The following ICAM1 variants were observed in gnomAD, a reference collection of about 807,000 sequenced individuals.
ICAM1 encodes ICAM-1.
Under a neutral mutation model 42.3 loss-of-function variants are expected in ICAM1, and 28 were observed. That is an observed-to-expected ratio of 0.66 (90% CI 0.49 to 0.91). The LOEUF (loss-of-function observed/expected upper bound fraction) is 0.91, where lower values mean the gene tolerates loss of function less well. Ranked by LOEUF, ICAM1 falls within the 40% of genes least tolerant of loss-of-function variation. The pLI is 0.00. For synonymous variants in ICAM1, 304 were observed against 305.9 expected (o/e 0.99, Z 0.07); for missense variants, 637 against 688.6 (o/e 0.93, Z 0.84).
intron 3 of ICAM1, 56 bp downstream of exon 3, chr19:10,283,842 G>A (rs556578863): frequency 2.0e-5 from 30 of 1,511,820 alleles, no homozygotes; most frequent in Middle Eastern, 1.8e-4. Context: ...CCTGCAATGC[G>A]GTGCCTGTGG....
Position 10,284,612 on chromosome 19 carries a change from G to T in ICAM1, c.1135G>T (p.Gly379Cys). Residue 379 changes from glycine to cysteine, a missense_variant, in exon 5 of 7, where the codon GGC (glycine) becomes TGC (cysteine). By Grantham distance (159) the Gly-to-Cys change is radical (BLOSUM62 -3). Coordinates refer to ENST00000264832, the MANE Select transcript of ICAM1 (RefSeq NM_000201.3). This position sits in a 1 kb window ranked among gnomAD's most constrained non-coding sequence, Gnocchi z 5.4. The part of the protein sequence containing the change: ...FSCSATLEVA[G>C]QLIHKNQTRE... Reference sequence around the variant, plus strand: ...CTGCTCTGCAACCCTGGAGGTGGCCGGCCAGCTTATACACAAGAACCAGAC... The same window carrying T: ...CTGCTCTGCAACCCTGGAGGTGGCCTGCCAGCTTATACACAAGAACCAGAC... The T allele has an allele frequency of 6.2e-7, 1 of 1,614,100 alleles. No individual in the cohort carries two copies.
intron 2 of ICAM1, chr19:10,283,254 C>G (rs1206476931): frequency 2.1e-6 from 1 of 470,996 alleles, no homozygotes; most frequent in African/African-American, 2.0e-5. Context: ...ACTTTTCACT[C>G]TAAGATGCTG....
intron 2 of ICAM1, among the ~76,000 whole-genome samples, chr19:10,275,495 C>G (rs2040009699): frequency 6.6e-6 from 1 of 150,870 alleles, no homozygotes; most frequent in African/African-American, 2.4e-5. Flanking sequence ...GATTCCATCT[C>G]AAGAAAAAAA....
At chr19:10,283,839 T>C in intron 3 of ICAM1, 53 bp downstream of exon 3, 3 of 1,517,048 alleles carry the variant, frequency 2.0e-6, no homozygotes, top group South Asian at 2.5e-5. Context: ...TATCCTGCAA[T>C]GCGGTGCCTG....
At chr19:10,281,352 T>C (rs2040057458) in intron 2 of ICAM1, among the ~76,000 whole-genome samples, 1 of 151,098 alleles carries the variant, frequency 6.6e-6, no homozygotes, top group African/African-American at 2.4e-5. Flanking sequence ...CTTGAACTCC[T>C]GGCCTCAAAT....
At position 10,284,977 on chromosome 19, in the gene ICAM1, G is replaced by A. The variant is rs1335162508; in HGVS notation, c.1375G>A (p.Ala459Thr). The A allele has an allele frequency of 1.2e-6, 2 of 1,612,688 alleles. No homozygotes were observed. The highest frequency in any genetic ancestry group is 1.7e-6 in the Non-Finnish European group (2 of 1,179,184). ...RDLEGTYLCR[A>T]RSTQGEVTRK... Reference sequence around the variant, plus strand: ...TCTTGAGGGCACCTACCTCTGTCGGGCCAGGAGCACTCAAGGGGAGGTCAC... The same window carrying A: ...TCTTGAGGGCACCTACCTCTGTCGGACCAGGAGCACTCAAGGGGAGGTCAC... The change falls in exon 6 of 7, where the codon GCC becomes ACC. Residue 459 changes from alanine to threonine, a missense_variant. Transcript: ENST00000264832. This position sits in a 1 kb window ranked among gnomAD's most constrained non-coding sequence, Gnocchi z 5.4.
rs556578863 is a variant in ICAM1 at position 10,283,842 on chromosome 19, G to T, written c.637+56G>T. On this transcript the variant is annotated intron_variant, in intron 3 of 6. Transcript: ENST00000264832. The stretch of plus-strand genomic sequence containing the variant: ...GTGGGGGTGGGGTATCCTGCAATGC[G>T]GTGCCTGTGGCCACAGGATCTTTTG... The T allele has an allele frequency of 1.6e-5, 24 of 1,511,942 alleles. No homozygotes were observed. The South Asian group carries it at 2.4e-4, about 15-fold the overall frequency. The allele number at this position is 1,511,942 out of a possible 1,614,324, so 93.7% of individuals were successfully genotyped here. A position where few individuals can be genotyped will look rare whatever the true frequency, so the allele number is the denominator to read the frequency against.
intron 1 of ICAM1, among the ~76,000 whole-genome samples, chr19:10,273,829 C>T (rs533236077): frequency 5.9e-5 from 9 of 152,118 alleles, no homozygotes; most frequent in South Asian, 2.1e-4. Context: ...GGCTGGCCGA[C>T]GTGGCGAAAC....
At chr19:10,278,548 C>CTTTTG (rs2040032418) in intron 2 of ICAM1, among the ~76,000 whole-genome samples, 1 of 41,746 alleles carries the variant, frequency 2.4e-5, no homozygotes, top group African/African-American at 1.0e-4. Flanking sequence ...CCTGATAGGT[C>CTTTTG]TTTTTTTTTT....
In ICAM1 at chr19:10,271,158, C is replaced by CT. The variant is rs1300793263; in HGVS notation, c.-1dup. The CT allele has an allele frequency of 1.9e-6, 3 of 1,612,552 alleles. No homozygotes were observed. In the African/African-American group the frequency reaches 4.0e-5, roughly 22 times the overall value. Reference sequence around the variant, plus strand: ...ACTCAGAGTTGCAACCTCAGCCTCGCTATGGCTCCCAGCAGCCCCCGGCCC... The same window carrying CT: ...ACTCAGAGTTGCAACCTCAGCCTCGCTTATGGCTCCCAGCAGCCCCCGGCCC... On this transcript the variant is annotated 5_prime_UTR_variant, in exon 1 of 7. Coordinates refer to ENST00000264832, the MANE Select transcript of ICAM1 (RefSeq NM_000201.3).
chr19:10,283,431 A>T (rs1169817915), intron 2 of ICAM1, 50 bp from the exon 3 acceptor site: 1 of 1,502,560 alleles, frequency 6.7e-7, no homozygotes, highest in Non-Finnish European at 8.9e-7. Flanking sequence ...TCTGTTAGGC[A>T]GGCAGCAAGG....
intron 2 of ICAM1, among the ~76,000 whole-genome samples, chr19:10,281,174 G>A (rs2040055309): frequency 6.6e-6 from 1 of 151,280 alleles, no homozygotes; most frequent in South Asian, 2.1e-4. Flanking sequence ...TGTCTGGCCT[G>A]GCCAGGCTGG....
rs765279047 is a variant in ICAM1 at position 10,282,842 on chromosome 19, G to A, written c.332-639G>A. On this transcript the variant is annotated intron_variant, in intron 2 of 6. Transcript: ENST00000264832. The stretch of plus-strand genomic sequence containing the variant: ...AGCCTGGGCAACATGCTGAAACCCC[G>A]TTTCTACTAAAAATACAAAAATTAG... 1.3e-5 allele frequency among the ~76,000 whole-genome samples: 2 copies of A among 151,952 alleles called. 1 individual carries two copies. Among genetic ancestry groups the A allele is most frequent in the Non-Finnish European group, 2.9e-5 (2 of 68,002 alleles).
Position 10,283,918 on chromosome 19 carries a change from C to T in ICAM1, c.638-115C>T, listed in dbSNP as rs2040081865. The T allele has an allele frequency of 4.8e-6, 7 of 1,452,040 alleles. No individual in the cohort carries two copies. The South Asian group carries it at 9.0e-5, about 19-fold the overall frequency. 89.9% of individuals were successfully genotyped at this position (1,452,040 alleles called of 1,614,324 possible). On this transcript the variant is annotated intron_variant, in intron 3 of 6. Coordinates refer to ENST00000264832, the MANE Select transcript of ICAM1 (RefSeq NM_000201.3). ...GTGCATGTGTTCTAGGCGTATGTGA[C>T]CTAGGCTGCTGAGTGGCCCTGGAAG...
intron 1 of ICAM1, 104 bp downstream of exon 1, chr19:10,271,330 A>G (rs2039978773): frequency 8.2e-6 from 8 of 975,196 alleles, no homozygotes; most frequent in Non-Finnish European, 1.2e-5. Flanking sequence ...TATGGGAAGG[A>G]GGGGCTAGAG....
intron 1 of ICAM1, among the ~76,000 whole-genome samples, chr19:10,272,833 C>T (rs1017976018): frequency 6.6e-6 from 1 of 152,074 alleles, no homozygotes; most frequent in African/African-American, 2.4e-5. Flanking sequence ...CAGTGCCCAC[C>T]CCGTAAGCCC....
intron 2 of ICAM1, chr19:10,282,173 T>G (rs930115658): frequency 2.0e-5 from 3 of 151,570 alleles, no homozygotes; most frequent in African/African-American, 7.3e-5. Flanking sequence ...GCTCAAGTGA[T>G]CCTCCTGCCT....
chr19:10,279,728 C>T (rs2040042273), intron 2 of ICAM1, among the ~76,000 whole-genome samples: 1 of 152,078 alleles, frequency 6.6e-6, no homozygotes, highest in South Asian at 2.1e-4. Context: ...AAGAGATCCT[C>T]CTGCCTCAGT....
chr19:10,285,201 C>T lies in ICAM1; in HGVS notation c.1513C>T (p.Arg505Cys), dbSNP rs142682313. 496 of 1,614,010 alleles carry T rather than the reference C, an allele frequency of 3.1e-4. 2 individuals carry two copies. The highest frequency in any genetic ancestry group is 1.3e-4 in the Non-Finnish European group (154 of 1,179,990). Residue 505 changes from arginine (R) to cysteine (C), a missense_variant, in exon 7 of 7, where the codon CGC becomes TGC. Coordinates refer to ENST00000264832, the MANE Select transcript of ICAM1 (RefSeq NM_000201.3). ...AGGCCTCAGCACGTACCTCTATAACCGCCAGCGGAAGATCAAGAAATACAG... is the reference window on the plus strand; with the variant it reads ...AGGCCTCAGCACGTACCTCTATAACTGCCAGCGGAAGATCAAGAAATACAG... ...TAGLSTYLYN[R>C]QRKIKKYRLQ... is the part of the protein sequence containing the mutation.
Sources: gnomAD v4.1 joint callset for allele counts (sites outside exome capture counted in the v4.1 genomes callset) on GRCh38, gnomAD v4.1.1 for gene constraint, Gnocchi (gnomAD v3.1) non-coding constraint, MANE v1.5 for transcripts, NCBI Gene and HGNC (gene_info 2026-07-23, HGNC 2026-07-21) for gene names.